CDC42BPA: variants seen among roughly 807,000 people sequenced by gnomAD.
CDC42BPA encodes the protein CDC42 binding protein kinase alpha.
In CDC42BPA, 80 loss-of-function variants were observed where a neutral mutation model predicts 223.5. The ratio of observed to expected loss-of-function variants is 0.36; its 90% CI spans 0.30 to 0.43. The LOEUF is 0.43. Among genes scored for constraint, CDC42BPA ranks in the 20% least tolerant of loss-of-function variants. The pLI, the probability that CDC42BPA is intolerant of heterozygous loss-of-function variation, is 1.00. For missense variants in CDC42BPA, 1,743 were observed against 2,099.9 expected (o/e 0.83, Z 3.32); for synonymous variants, 694 against 718.6 (o/e 0.97, Z 0.55).
At chr1:227,263,424 G>A (rs1026286444) in intron 1 of CDC42BPA, among the ~76,000 whole-genome samples, 1 of 152,050 alleles carries the variant, frequency 6.6e-6, no homozygotes, top group South Asian at 2.1e-4. Flanking sequence ...TAACTCCAGA[G>A]AAAGTTAATT....
rs183281841 is a variant in CDC42BPA, at chr1:227,125,353, A to C, written c.1513+3756T>G. Among the ~76,000 whole-genome samples, 9 of 152,042 alleles carry C rather than the reference A, an allele frequency of 5.9e-5. No individual in the cohort carries two copies. In the East Asian group the frequency reaches 1.5e-3, roughly 26 times the overall value. On this transcript the variant is annotated intron_variant, in intron 11 of 36. Transcript: ENST00000366766. ...AATGCTGGGTGTGGTTACTCATCCC[A>C]AAAATCCCAGCACTTTGGAAAGCTG...
chr1:227,192,309 T>C (rs1025043647), intron 5 of CDC42BPA, among the ~76,000 whole-genome samples: 3 of 79,030 alleles, frequency 3.8e-5, no homozygotes, highest in Non-Finnish European at 9.2e-5. Flanking sequence ...TCTTAGAGCA[T>C]AGTTCTGAGT....
chr1:227,192,108 T>C (rs911402774), intron 5 of CDC42BPA, among the ~76,000 whole-genome samples: 22 of 152,002 alleles, frequency 1.4e-4, no homozygotes, highest in African/African-American at 5.1e-4. Context: ...AAAATACAAA[T>C]TGTTTAATTA....
At chr1:226,995,847 T>C (rs1205575276) in intron 35 of CDC42BPA, among the ~76,000 whole-genome samples, 3 of 152,224 alleles carry the variant, frequency 2.0e-5, no homozygotes, top group South Asian at 2.1e-4. Context: ...ATTAGGATGA[T>C]TGGTCCAAAA....
chr1:227,229,261 G>C (rs1333499639), intron 2 of CDC42BPA, among the ~76,000 whole-genome samples: 3 of 151,392 alleles, frequency 2.0e-5, no homozygotes, highest in African/African-American at 7.3e-5. Flanking sequence ...CACACTGTTG[G>C]AAAAAAAACT....
intron 1 of CDC42BPA, among the ~76,000 whole-genome samples, chr1:227,273,222 C>T (rs1480081816): frequency 2.0e-5 from 3 of 151,728 alleles, no homozygotes; most frequent in African/African-American, 7.3e-5. Context: ...TGCTTGAACC[C>T]GGGAGGCAGA....
intron 17 of CDC42BPA, among the ~76,000 whole-genome samples, chr1:227,077,378 T>G: frequency 6.6e-6 from 1 of 152,220 alleles, no homozygotes; most frequent in East Asian, 1.9e-4. Context: ...GCTATTACTA[T>G]ACACAAATGA....
At chr1:227,169,520 G>A (rs1665726618) in intron 5 of CDC42BPA, among the ~76,000 whole-genome samples, 1 of 152,052 alleles carries the variant, frequency 6.6e-6, no homozygotes, top group Admixed American at 6.5e-5. Context: ...CTATCACTCA[G>A]GGGTCATGTG....
chr1:227,017,095 T>C, intron 32 of CDC42BPA, 45 bp from the exon 33 acceptor site: 4 of 1,552,770 alleles, frequency 2.6e-6, no homozygotes, highest in Non-Finnish European at 3.5e-6. Context: ...CTTTAAACTG[T>C]TAAAATGCTT....
Position 227,028,773 on chromosome 1 carries a change from T to C in CDC42BPA, c.4316A>G (p.Glu1439Gly), listed in dbSNP as rs1395142078. The C allele has an allele frequency of 1.2e-6, 2 of 1,614,092 alleles. No homozygotes were observed. Among genetic ancestry groups the C allele is most frequent in the East Asian group, 4.5e-5 (2 of 44,882 alleles). ...HQPMDAICAVEISSKEYLLCF... is the reference protein window; with the variant it reads ...HQPMDAICAVGISSKEYLLCF... ...CAGCAGATATTCTTTACTGGAGATC[T>C]CAACTGCGCAGATAGCATCCATTGG... The change falls in exon 30 of 37, where the codon GAG becomes GGG. Residue 1439 changes from glutamate (E) to glycine (G), a missense_variant. By Grantham distance (98) the Glu-to-Gly change is moderately conservative. Around this residue, in one of 6 missense-constraint regions of CDC42BPA, gnomAD observed 678 missense variants for 777.5 expected, o/e 0.87. Transcript: ENST00000366766.
intron 10 of CDC42BPA, among the ~76,000 whole-genome samples, chr1:227,136,310 C>G (rs551021340): frequency 1.1e-4 from 16 of 152,188 alleles, no homozygotes; most frequent in African/African-American, 3.9e-4. Context: ...ACTAGTGAAC[C>G]TGAAGGCAGA....
rs757618689 is a variant in CDC42BPA, at chr1:227,004,987, C to A, written c.4975+7G>T. 1.9e-6 allele frequency: 3 copies of A among 1,600,290 alleles called. No homozygotes were observed. The South Asian group carries it at 3.3e-5, about 18-fold the overall frequency. On this transcript the variant is annotated splice_region_variant and intron_variant, in intron 35 of 36. Transcript: ENST00000366766. ...CAGAGGCACCTTCCTGTAGCCCCGG[C>A]ACTTACTTGCTGACAAGCCACTGCT...
chr1:227,252,870 T>G (rs1375588652), intron 2 of CDC42BPA, among the ~76,000 whole-genome samples: 1 of 152,012 alleles, frequency 6.6e-6, no homozygotes, highest in Non-Finnish European at 1.5e-5. Context: ...AGGTATAAGA[T>G]CAATAAAATT....
chr1:227,228,579 C>T (rs1425402786), intron 2 of CDC42BPA, among the ~76,000 whole-genome samples: 1 of 152,120 alleles, frequency 6.6e-6, no homozygotes, highest in Non-Finnish European at 1.5e-5. Flanking sequence ...TATGGTAATT[C>T]TATGTTTAAC....
intron 1 of CDC42BPA, among the ~76,000 whole-genome samples, chr1:227,311,369 A>G (rs1169965405): frequency 6.6e-6 from 1 of 152,166 alleles, no homozygotes; most frequent in East Asian, 1.9e-4. Context: ...ACAGGGCAAA[A>G]GGAGCTAAGC....
At chr1:227,088,111 A>C (rs1295624193) in intron 16 of CDC42BPA, among the ~76,000 whole-genome samples, 1 of 152,066 alleles carries the variant, frequency 6.6e-6, no homozygotes, top group Non-Finnish European at 1.5e-5. Flanking sequence ...AAAAGCATGG[A>C]CTCCGGAGCC....
At chr1:227,066,389 A>C (rs1572593121) in intron 21 of CDC42BPA, among the ~76,000 whole-genome samples, 1 of 6,814 alleles carries the variant, frequency 1.5e-4, no homozygotes, top group South Asian at 2.1e-3. Flanking sequence ...ACTCTGTCTC[A>C]AAAAAAAAAA....
chr1:227,195,748 T>C (rs1341967090), intron 4 of CDC42BPA, among the ~76,000 whole-genome samples: 1 of 152,194 alleles, frequency 6.6e-6, no homozygotes, highest in Non-Finnish European at 1.5e-5. Context: ...TAAAATTGAA[T>C]ATTTGGTACT....
intron 5 of CDC42BPA, among the ~76,000 whole-genome samples, chr1:227,176,093 C>A (rs1243633661): frequency 6.6e-6 from 1 of 152,108 alleles, no homozygotes; most frequent in Admixed American, 6.6e-5. Context: ...GCTGGGACTA[C>A]AGGCGTGTGA....
Sources: allele counts gnomAD v4.1 joint callset (sites outside exome capture counted in the v4.1 genomes callset), GRCh38; gene constraint gnomAD v4.1.1; regional missense constraint gnomAD v4.1.1; transcripts MANE v1.5; gene names NCBI Gene and HGNC (gene_info 2026-07-23, HGNC 2026-07-21).